The following SERINC4 variants were observed in gnomAD, a reference collection of about 807,000 sequenced individuals.
SERINC4 encodes serine incorporator 4.
SERINC4 carries 52 observed loss-of-function variants against 52.0 expected under a neutral mutation model. The ratio of observed to expected loss-of-function variants is 1.00; its 90% CI spans 0.80 to 1.26. SERINC4 has a LOEUF of 1.26. SERINC4 is among the 50% of genes most tolerant of loss of function. The pLI, the probability that SERINC4 is intolerant of heterozygous loss-of-function variation, is 0.00. For missense variants in SERINC4, 723 were observed against 632.8 expected, an observed-to-expected ratio of 1.14 and a Z score of -1.53; for synonymous variants, 264 against 247.7, an observed-to-expected ratio of 1.07 and a Z score of -0.62.
intron 9 of SERINC4, 174 bp downstream of exon 9, chr15:43,795,976 GTTAAA>G (rs1460381289): frequency 4.6e-5 from 30 of 648,686 alleles, no homozygotes; most frequent in Middle Eastern, 3.2e-4. Context: ...TGTTGTGAGG[GTTAAA>G]TTAAATGAGA....
chr15:43,799,602 T>A (rs758938487), intron 1 of SERINC4, 116 bp from the exon 2 acceptor site: 3 of 1,293,398 alleles, frequency 2.3e-6, no homozygotes, highest in African/African-American at 1.5e-5. Context: ...CCCTTCCCCT[T>A]TCTTCCTTTT....
chr15:43,794,997 G>T lies in SERINC4; in HGVS notation c.*3C>A. The T allele has an allele frequency of 6.2e-7, 1 of 1,607,246 alleles. No homozygotes were observed. Among genetic ancestry groups the T allele is most frequent in the South Asian group, 1.1e-5 (1 of 90,734 alleles). ...CAGGGGAACCCCAGTTTGTGAAAAG[G>T]ACTTAGACTGGAGGATATTTGTTAT... On this transcript the variant is annotated 3_prime_UTR_variant, in exon 12 of 12. Transcript: ENST00000319327.
At position 43,795,197 on chromosome 15, in the gene SERINC4, G is replaced by A. The variant is rs567856203; in HGVS notation, c.1360C>T (p.Leu454=). The part of the protein sequence containing the change: ...TNWFSYEGAE[L]EKTFIKGSWA... ...CTACCCTTGATGAAGGTCTTTTCCA[G>A]TTCTGCTCCCTCATAGCTGTGTAAC... is the stretch of plus-strand genomic sequence containing the variant. Residue 454 remains leucine (L), a synonymous_variant, in exon 12 of 12, where the codon CTG becomes TTG. Coordinates refer to ENST00000319327, the MANE Select transcript of SERINC4 (RefSeq NM_001258031.2). 2.8e-4 allele frequency: 453 copies of A among 1,614,134 alleles called. 1 individual carries two copies. In the South Asian group the frequency reaches 4.4e-3, roughly 16 times the overall value.
At position 43,794,630 on chromosome 15, in the gene SERINC4, C is replaced by T. The variant is rs1567169423; in HGVS notation, c.*370G>A. ...TGCCCAGGGCTGAACTCCTTATTTT[C>T]CTTTCTCCAAGGGCAGAGCCGAGTC... On this transcript the variant is annotated 3_prime_UTR_variant, in exon 12 of 12. Transcript: ENST00000319327. 1 of 201,954 alleles carries T rather than the reference C, an allele frequency of 5.0e-6. No individual in the cohort carries two copies. The highest frequency in any genetic ancestry group is 1.1e-4 in the East Asian group (1 of 9,018). 12.5% of individuals were successfully genotyped at this position (201,954 alleles called of 1,614,324 possible).
chr15:43,796,545 A>T, intron 8 of SERINC4, 71 bp downstream of exon 8: 1 of 1,534,074 alleles, frequency 6.5e-7, no homozygotes, highest in Non-Finnish European at 9.0e-7. Context: ...GGTCCCAGAC[A>T]TTGTCCTGAC....
chr15:43,795,311 C>G, intron 11 of SERINC4, 77 bp downstream of exon 11: 2 of 1,597,204 alleles, frequency 1.3e-6, no homozygotes, highest in Non-Finnish European at 1.7e-6. Context: ...CCATGTGTGT[C>G]TGGAATGGCC....
chr15:43,797,136 T>G lies in SERINC4; in HGVS notation c.844+9A>C. 1.3e-6 allele frequency: 2 copies of G among 1,550,870 alleles called. No individual in the cohort carries two copies. Among genetic ancestry groups the G allele is most frequent in the South Asian group, 1.2e-5 (1 of 84,142 alleles). Reference sequence around the variant, plus strand: ...CCAAAACCTGGAATGCTGTAGGACATGTACCCACTGAGGCGGATGCAAGGA... The same window carrying G: ...CCAAAACCTGGAATGCTGTAGGACAGGTACCCACTGAGGCGGATGCAAGGA... On this transcript the variant is annotated intron_variant, in intron 6 of 11. Transcript: ENST00000319327.
intron 9 of SERINC4, 126 bp downstream of exon 9, chr15:43,796,029 G>T (rs2087207592): frequency 2.7e-6 from 2 of 754,468 alleles, no homozygotes; most frequent in African/African-American, 1.7e-5. Flanking sequence ...CTAGCACATT[G>T]TGGGTACTCA....
At position 43,794,677 on chromosome 15, in the gene SERINC4, C is replaced by A. The variant is rs2087160191; in HGVS notation, c.*323G>T. On this transcript the variant is annotated 3_prime_UTR_variant, in exon 12 of 12. Coordinates refer to ENST00000319327, the MANE Select transcript of SERINC4 (RefSeq NM_001258031.2). ...AGTCTTCAGTCCCTGTTGGTCTTTCCCCACCCCCACTTCCAGCCCAAGAGC... is the reference window on the plus strand; with the variant it reads ...AGTCTTCAGTCCCTGTTGGTCTTTCACCACCCCCACTTCCAGCCCAAGAGC... The A allele has an allele frequency of 7.3e-6, 2 of 273,768 alleles. No homozygotes were observed. 17.0% of individuals were successfully genotyped at this position (273,768 alleles called of 1,614,324 possible).
At chr15:43,795,955 C>T in intron 9 of SERINC4, 200 bp downstream of exon 9, 1 of 639,984 alleles carries the variant, frequency 1.6e-6, no homozygotes. Flanking sequence ...CAAATACCTA[C>T]CTCACAGGGT....
rs773710636 is a variant in SERINC4 at position 43,794,985 on chromosome 15, G to A, written c.*15C>T. On this transcript the variant is annotated 3_prime_UTR_variant, in exon 12 of 12. Transcript: ENST00000319327. ...GGAGTACAATGTCAGGGGAACCCCA[G>A]TTTGTGAAAAGGACTTAGACTGGAG... 17 of 1,595,204 alleles carry A rather than the reference G, an allele frequency of 1.1e-5. No homozygotes were observed. The South Asian group carries it at 1.6e-4, about 15-fold the overall frequency.
intron 8 of SERINC4, 38 bp from the exon 9 acceptor site, chr15:43,796,265 A>C (rs1297587245): frequency 2.0e-6 from 3 of 1,519,092 alleles, no homozygotes; most frequent in African/African-American, 1.4e-5. Flanking sequence ...GTTTAGTTAA[A>C]TAGGGATTAT....
At position 43,799,128 on chromosome 15, in the gene SERINC4, G is replaced by T. The variant is rs766175820; in HGVS notation, c.289C>A (p.Pro97Thr). The change falls in exon 3 of 12, where the codon CCC (proline) becomes ACC (threonine). Residue 97 changes from proline (P) to threonine (T), a missense_variant. By Grantham distance (38) the Pro-to-Thr change is conservative (BLOSUM62 -1). Coordinates refer to ENST00000319327, the MANE Select transcript of SERINC4 (RefSeq NM_001258031.2). ...AACAGGTGGGCACACAACCCCGAGG[G>T]CATCTGGATCTGGGAGTGTGTGTGA... ...VWGKTHRIQMPSGLCAHLFGL... is the reference protein window; with the variant it reads ...VWGKTHRIQMTSGLCAHLFGL... 3.5e-5 allele frequency: 54 copies of T among 1,548,888 alleles called. No individual in the cohort carries two copies. The highest frequency in any genetic ancestry group is 1.7e-5 in the Non-Finnish European group (20 of 1,145,676).
In SERINC4 at chr15:43,796,183, A is replaced by G. The variant is rs1185198571; in HGVS notation, c.1112T>C (p.Ile371Thr). ...AAACTCATAGCTGTAAACCTTGACA[A>G]TCCACAGGGGTCCAAATACCTCAGC... The part of the protein sequence containing the change: ...YLAEVFGPLW[I>T]VKVYSYEFQK... The change falls in exon 9 of 12, where the codon ATT (isoleucine) becomes ACT (threonine). Residue 371 changes from isoleucine (I) to threonine (T), a missense_variant. By Grantham distance (89) the Ile-to-Thr change is moderately conservative. Transcript: ENST00000319327. 14 of 1,613,820 alleles carry G rather than the reference A, an allele frequency of 8.7e-6. No homozygotes were observed. Among genetic ancestry groups the G allele is most frequent in the African/African-American group, 1.3e-5 (1 of 74,894 alleles).
rs1438882018 is a variant in SERINC4, at chr15:43,796,064, CT to C, written c.1140+90del. ...AATAAAAGGTAACAGCAGCTATAAT[CT>C]GAGCATTCTGGGTAGAGGTTGGTAG... On this transcript the variant is annotated intron_variant, in intron 9 of 11. Transcript: ENST00000319327. The C allele has an allele frequency of 4.3e-6, 4 of 939,628 alleles. No individual in the cohort carries two copies. In the African/African-American group the frequency reaches 6.5e-5, roughly 15 times the overall value. The allele number at this position is 939,628 out of a possible 1,614,324, so 58.2% of individuals were successfully genotyped here.
intron 4 of SERINC4, 51 bp downstream of exon 4, chr15:43,798,374 T>A: frequency 7.3e-7 from 1 of 1,372,822 alleles, no homozygotes; most frequent in Admixed American, 1.7e-5. Context: ...ACCCACTTGT[T>A]ATCTTAGAAA....
rs1567170820 is a variant in SERINC4 at position 43,795,690 on chromosome 15, T to G, written c.1187A>C (p.Lys396Thr). Reference protein sequence around the residue: ...FCCPETVEADKGQRGGAARPA... With the variant: ...FCCPETVEADTGQRGGAARPA... ...ATGGTTCCTCACTTGGCACTCACCT[T>G]TGTCTGCCTCCACTGTTTCAGGGCA... Residue 396 changes from lysine to threonine, a missense_variant and splice_region_variant, in exon 10 of 12, where the codon AAA (lysine) becomes ACA (threonine). Transcript: ENST00000319327. 4 of 1,614,066 alleles carry G rather than the reference T, an allele frequency of 2.5e-6. No individual in the cohort carries two copies. In the South Asian group the frequency reaches 4.4e-5, roughly 18 times the overall value.
chr15:43,799,606 TC>T (rs2087280134), intron 1 of SERINC4, 120 bp from the exon 2 acceptor site: 1 of 1,256,144 alleles, frequency 8.0e-7, no homozygotes, highest in Non-Finnish European at 1.1e-6. Flanking sequence ...TCCCCTTTCT[TC>T]CTTTTACTCA....
Position 43,795,728 on chromosome 15 carries a change from T to C in SERINC4, c.1149A>G (p.Ser383=). The change falls in exon 10 of 12, where the codon TCA becomes TCG. Residue 383 remains serine, a synonymous_variant. Coordinates refer to ENST00000319327, the MANE Select transcript of SERINC4 (RefSeq NM_001258031.2). ...CTGTTTCAGGGCAGCAGAAACACAG[T>C]GAGGGCTTCTGCAAAACAGAACGCA... ...KVYSYEFQKP[S]LCFCCPETVE... is the part of the protein sequence containing the mutation. The C allele has an allele frequency of 2.5e-6, 4 of 1,613,932 alleles. No homozygotes were observed. Among genetic ancestry groups the C allele is most frequent in the Non-Finnish European group, 2.5e-6 (3 of 1,179,926 alleles).
Sources: allele counts gnomAD v4.1 joint callset, GRCh38; gene constraint gnomAD v4.1.1; transcripts MANE v1.5; gene names NCBI Gene and HGNC (gene_info 2026-07-23, HGNC 2026-07-21).